Variants in GPHN observed in about 807,000 individuals in gnomAD.
GPHN encodes the protein gephyrin.
GPHN carries 17 observed loss-of-function variants against 95.5 expected under a neutral mutation model. That is an observed-to-expected ratio of 0.18 (90% CI 0.12 to 0.27). The LOEUF is 0.27. GPHN is among the 10% of genes least tolerant of loss of function. GPHN has a pLI of 1.00. For missense variants in GPHN, 660 were observed against 978.1 expected, an observed-to-expected ratio of 0.67 and a Z score of 4.34; for synonymous variants, 320 against 322.5, an observed-to-expected ratio of 0.99 and a Z score of 0.08.
chr14:67,371,807 A>G, the GPHN span, among the ~76,000 whole-genome samples: 1 of 152,252 alleles, frequency 6.6e-6, no homozygotes, highest in Non-Finnish European at 1.5e-5. Flanking sequence ...CTGATAAGAA[A>G]ACCCAACAAA....
chr14:67,705,681 TA>T, the GPHN span, among the ~76,000 whole-genome samples: 5 of 152,338 alleles, frequency 3.3e-5, no homozygotes, highest in African/African-American at 1.2e-4. Context: ...TAAGGTTATT[TA>T]AAATGTTGAC....
chr14:66,712,359 T>G (rs2069725307), intron 2 of GPHN, among the ~76,000 whole-genome samples: 1 of 152,184 alleles, frequency 6.6e-6, no homozygotes, highest in African/African-American at 2.4e-5. Context: ...TATTTTTTCA[T>G]GTGTCTGTGG....
At chr14:66,737,892 T>G (rs946223124) in intron 2 of GPHN, among the ~76,000 whole-genome samples, 1 of 152,202 alleles carries the variant, frequency 6.6e-6, no homozygotes, top group African/African-American at 2.4e-5. Flanking sequence ...AAAAAGCAAT[T>G]CATTAAATAT....
chr14:67,341,098 G>A, the GPHN span, among the ~76,000 whole-genome samples: 27 of 152,042 alleles, frequency 1.8e-4, no homozygotes, highest in Admixed American at 9.8e-4. Context: ...GCCGCCACCC[G>A]GTCTGGGAAG....
the GPHN span, chr14:67,473,419 CTCAG>C: frequency 2.5e-6 from 4 of 1,612,718 alleles, no homozygotes; most frequent in African/African-American, 1.3e-5. This position sits in a 1 kb window ranked among gnomAD's most constrained non-coding sequence, Gnocchi z 6.5. Flanking sequence ...CCGCTTCCTG[CTCAG>C]TCAGTCTTGA....
intron 1 of GPHN, among the ~76,000 whole-genome samples, chr14:66,552,957 T>G (rs1421420121): frequency 6.6e-6 from 1 of 151,880 alleles, no homozygotes; most frequent in African/African-American, 2.4e-5. Context: ...TGGGATTGGC[T>G]AAACTTCTTT....
At chr14:67,073,108 GACC>G (rs2076371501) in intron 11 of GPHN, among the ~76,000 whole-genome samples, 1 of 151,634 alleles carries the variant, frequency 6.6e-6, no homozygotes, top group Non-Finnish European at 1.5e-5. Flanking sequence ...TCTAACACAG[GACC>G]ACTCTTTGTG....
intron 2 of GPHN, among the ~76,000 whole-genome samples, chr14:66,688,582 T>C (rs1171520408): frequency 6.6e-6 from 1 of 152,240 alleles, no homozygotes; most frequent in Non-Finnish European, 1.5e-5. Flanking sequence ...TCATCAGTTC[T>C]AAGAGTCTTT....
the GPHN span, among the ~76,000 whole-genome samples, chr14:67,315,818 G>C: frequency 6.6e-6 from 1 of 152,146 alleles, no homozygotes; most frequent in Non-Finnish European, 1.5e-5. Flanking sequence ...CCAGCTGCTC[G>C]GGAGGCTGAG....
chr14:66,721,824 G>A (rs528964815), intron 2 of GPHN, among the ~76,000 whole-genome samples: 17 of 151,816 alleles, frequency 1.1e-4, no homozygotes, highest in Non-Finnish European at 1.8e-4. Context: ...GTTAGTGCCC[G>A]CCTGTAATCC....
At chr14:67,603,081 G>GT in the GPHN span, among the ~76,000 whole-genome samples, 3 of 151,798 alleles carry the variant, frequency 2.0e-5, no homozygotes, top group Admixed American at 6.6e-5. Context: ...GTTTTGTTTT[G>GT]TTTGAGGCAA....
chr14:66,808,302 A>T (rs1040667680), intron 3 of GPHN, among the ~76,000 whole-genome samples: 3 of 152,196 alleles, frequency 2.0e-5, no homozygotes, highest in African/African-American at 7.2e-5. Flanking sequence ...TACATGTATC[A>T]TCCATTTATT....
chr14:66,926,950 T>C (rs2066513669), intron 8 of GPHN, among the ~76,000 whole-genome samples: 1 of 152,202 alleles, frequency 6.6e-6, no homozygotes, highest in Non-Finnish European at 1.5e-5. Context: ...ATCATAGAAA[T>C]CTTTTACTTC....
At chr14:67,466,316 G>A in the GPHN span, among the ~76,000 whole-genome samples, 32 of 152,358 alleles carry the variant, frequency 2.1e-4, no homozygotes, top group Non-Finnish European at 1.8e-4. Context: ...CCAAGAAAGT[G>A]TATTACCAGA....
chr14:67,550,464 C>T, the GPHN span, among the ~76,000 whole-genome samples: 1 of 152,226 alleles, frequency 6.6e-6, no homozygotes, highest in African/African-American at 2.4e-5. Context: ...GTTTGGATTA[C>T]AGGCGTGCAC....
chr14:67,001,780 G>T, intron 9 of GPHN, among the ~76,000 whole-genome samples: 1 of 151,710 alleles, frequency 6.6e-6, no homozygotes, highest in East Asian at 1.9e-4. Flanking sequence ...TTTAAGAAAT[G>T]TGAAGCAGCT....
At chr14:67,373,268 C>CT in the GPHN span, among the ~76,000 whole-genome samples, 2 of 151,882 alleles carry the variant, frequency 1.3e-5, no homozygotes, top group Admixed American at 6.6e-5. Flanking sequence ...AATGACTGTT[C>CT]TTTTTTTTAA....
At chr14:66,653,216 T>G (rs918598481) in intron 1 of GPHN, among the ~76,000 whole-genome samples, 2 of 152,158 alleles carry the variant, frequency 1.3e-5, no homozygotes, top group Non-Finnish European at 2.9e-5. Flanking sequence ...GAAAGTGTGA[T>G]GGTTTACTGG....
chr14:67,040,127 T>C (rs1329282849), intron 10 of GPHN, among the ~76,000 whole-genome samples: 2 of 152,122 alleles, frequency 1.3e-5, no homozygotes, highest in African/African-American at 4.8e-5. Context: ...CATACGTGCA[T>C]TGTTTCAGAA....
Sources: allele counts gnomAD v4.1 joint callset (sites outside exome capture counted in the v4.1 genomes callset), GRCh38; gene constraint gnomAD v4.1.1; non-coding constraint Gnocchi (gnomAD v3.1); transcripts MANE v1.5; gene names NCBI Gene and HGNC (gene_info 2026-07-23, HGNC 2026-07-21).